EDA: variants seen among roughly 807,000 people sequenced by gnomAD.
The protein encoded by EDA is ectodysplasin-A.
Under a neutral mutation model 23.6 loss-of-function variants are expected in EDA, and 2 were observed. That is an observed-to-expected ratio of 0.08 (90% CI 0.03 to 0.27). The LOEUF is 0.27. EDA is among the 10% of genes least tolerant of loss of function. The probability of loss-of-function intolerance (pLI) is 1.00; values close to 1 mark genes in which losing one functional copy is unlikely to be tolerated. For synonymous variants in EDA, 131 were observed against 132.0 expected, an observed-to-expected ratio of 0.99 and a Z score of 0.05; for missense variants, 229 against 324.2, an observed-to-expected ratio of 0.71 and a Z score of 2.26.
At chrX:69,859,858 G>T (rs947189303) in intron 1 of EDA, among the ~76,000 whole-genome samples, 2 of 111,691 alleles carry the variant, frequency 1.8e-5, no homozygotes, top group African/African-American at 6.5e-5. Context: ...GGGTGTCTAA[G>T]TCTCTTTGAA....
At chrX:69,984,008 T>A (rs1256242707) in intron 2 of EDA, among the ~76,000 whole-genome samples, 4 of 97,454 alleles carry the variant, frequency 4.1e-5, no homozygotes, top group Admixed American at 1.2e-4. Context: ...AACAACCTGC[T>A]CCTGAATGAC....
chrX:69,674,780 GTTTGT>G (rs2147271687), intron 1 of EDA, among the ~76,000 whole-genome samples: 1 of 111,543 alleles, frequency 9.0e-6, no homozygotes, highest in South Asian at 3.9e-4. Flanking sequence ...AAATCAGCCT[GTTTGT>G]TTTGAGCTTT....
chrX:69,886,093 CT>C (rs1353189019), intron 1 of EDA, among the ~76,000 whole-genome samples: 1 of 112,158 alleles, frequency 8.9e-6, no homozygotes, highest in Non-Finnish European at 1.9e-5. Flanking sequence ...CCTCACCCAG[CT>C]TTGGTCTGAG....
At chrX:69,866,817 T>C (rs967539593) in intron 1 of EDA, among the ~76,000 whole-genome samples, 20 of 112,000 alleles carry the variant, frequency 1.8e-4, no homozygotes, top group Non-Finnish European at 3.0e-4. Flanking sequence ...AGCATGAGCC[T>C]ACTGCCTGCC....
intron 1 of EDA, among the ~76,000 whole-genome samples, chrX:69,714,386 A>C (rs2012227536): frequency 9.0e-6 from 1 of 111,641 alleles, no homozygotes; most frequent in African/African-American, 3.2e-5. Context: ...GCTTTCACAG[A>C]GCAAGGGTTT....
At chrX:70,017,455 A>G (rs747582305) in intron 2 of EDA, among the ~76,000 whole-genome samples, 7 of 111,965 alleles carry the variant, frequency 6.3e-5, no homozygotes, top group Non-Finnish European at 1.1e-4. Context: ...CCTCAACACA[A>G]TACTAGCAAA....
chrX:69,989,027 A>T (rs938714714), intron 2 of EDA, among the ~76,000 whole-genome samples: 11 of 111,612 alleles, frequency 9.9e-5, no homozygotes, highest in South Asian at 3.8e-4. Context: ...CACCACTCCT[A>T]TTCCCACTGC....
intron 1 of EDA, among the ~76,000 whole-genome samples, chrX:69,918,353 C>T (rs1213323450): frequency 9.1e-6 from 1 of 109,884 alleles, no homozygotes. Context: ...GATGGGGTTT[C>T]GCCATATTGG....
intron 1 of EDA, among the ~76,000 whole-genome samples, chrX:69,799,980 A>G (rs971324022): frequency 3.6e-5 from 4 of 112,184 alleles, no homozygotes; most frequent in African/African-American, 1.3e-4. Flanking sequence ...CGTGTCCATC[A>G]ATGGATGAAT....
chrX:69,670,104 A>C (rs998818949), intron 1 of EDA: 5 of 306,003 alleles, frequency 1.6e-5, no homozygotes, highest in South Asian at 1.6e-4. Context: ...GAATTCCTTA[A>C]ATTTTTTCTT....
chrX:69,863,489 GTGTATATATATATATACATATATA>G lies in EDA; in HGVS notation c.397-93526_397-93503del, dbSNP rs202086942. 5.8e-3 allele frequency among the ~76,000 whole-genome samples: 571 copies of G among 98,400 alleles called. 9 individuals are homozygous for G. The highest frequency in any genetic ancestry group is 0.02 in the African/African-American group (546 of 27,256). The allele number at this position is 98,400 out of a possible 115,157, so 85.4% of individuals were successfully genotyped here. ...AGACAATAAAGCAAACAGAAGAAAAGTGTATATATATATATACATATATATGTATATATATGTGTGTGTATATAT... is the reference window on the plus strand; with the variant it reads ...AGACAATAAAGCAAACAGAAGAAAAGTGTATATATATGTGTGTGTATATAT... On this transcript the variant is annotated intron_variant, in intron 1 of 7. Transcript: ENST00000374552.
chrX:69,952,789 C>G (rs1232424786), intron 1 of EDA, among the ~76,000 whole-genome samples: 2 of 111,459 alleles, frequency 1.8e-5, no homozygotes, highest in East Asian at 5.7e-4. Flanking sequence ...CCTATTAGAC[C>G]CTTAGAACAG....
At chrX:69,751,009 GC>G (rs1323495518) in intron 1 of EDA, among the ~76,000 whole-genome samples, 1 of 109,667 alleles carries the variant, frequency 9.1e-6, no homozygotes, top group East Asian at 2.8e-4. Context: ...CTTTTGCTGT[GC>G]AGAAGCTCTT....
At chrX:69,702,179 GA>G (rs1320235199) in intron 1 of EDA, among the ~76,000 whole-genome samples, 1 of 111,435 alleles carries the variant, frequency 9.0e-6, no homozygotes, top group Non-Finnish European at 1.9e-5. Context: ...TCCCAAAGGG[GA>G]CACTCTAGCA....
intron 1 of EDA, among the ~76,000 whole-genome samples, chrX:69,828,215 T>G (rs2016508592): frequency 8.9e-6 from 1 of 112,264 alleles, no homozygotes; most frequent in Non-Finnish European, 1.9e-5. Flanking sequence ...CCTTGAGCTG[T>G]GGTGGGCTCC....
chrX:70,028,166 C>T, intron 4 of EDA, 130 bp downstream of exon 4: 1 of 1,069,778 alleles, frequency 9.3e-7, no homozygotes, highest in Non-Finnish European at 1.2e-6. Flanking sequence ...TGCAGATCTC[C>T]TAGCCCAGTG....
intron 1 of EDA, among the ~76,000 whole-genome samples, chrX:69,717,686 A>AT (rs1301433376): frequency 9.1e-6 from 1 of 109,514 alleles, no homozygotes; most frequent in Non-Finnish European, 1.9e-5. Context: ...TGCCTGGCTA[A>AT]TTTTTTGTAT....
chrX:69,890,923 G>A (rs1342093433), intron 1 of EDA, among the ~76,000 whole-genome samples: 1 of 111,577 alleles, frequency 9.0e-6, no homozygotes, highest in Non-Finnish European at 1.9e-5. Flanking sequence ...CTTCTGCACA[G>A]CAAAAGAAAC....
At chrX:69,631,205 A>AC (rs1156810543) in intron 1 of EDA, among the ~76,000 whole-genome samples, 2 of 108,811 alleles carry the variant, frequency 1.8e-5, no homozygotes, top group Non-Finnish European at 3.8e-5. Context: ...ACGTGGTGAA[A>AC]CCCCGTCTCT....
Sources: gnomAD v4.1 joint callset for allele counts (sites outside exome capture counted in the v4.1 genomes callset) on GRCh38, gnomAD v4.1.1 for gene constraint, MANE v1.5 for transcripts, NCBI Gene and HGNC (gene_info 2026-07-23, HGNC 2026-07-21) for gene names.